SLC39A11: variants seen among roughly 807,000 people sequenced by gnomAD.
SLC39A11 encodes the protein zinc transporter ZIP11.
SLC39A11 carries 33 observed loss-of-function variants against 36.1 expected under a neutral mutation model. The ratio of observed to expected loss-of-function variants is 0.91; its 90% CI spans 0.69 to 1.22. The LOEUF is 1.22. Among genes scored for constraint, SLC39A11 ranks in the 50% most tolerant of loss-of-function variants. The probability of loss-of-function intolerance (pLI) is 0.00; values close to 1 mark genes in which losing one functional copy is unlikely to be tolerated. For missense variants in SLC39A11, 432 were observed against 430.3 expected (o/e 1.00, Z -0.03); for synonymous variants, 166 against 170.3 (o/e 0.97, Z 0.20).
intron 7 of SLC39A11, among the ~76,000 whole-genome samples, chr17:72,728,934 A>G (rs1417419602): frequency 6.6e-6 from 1 of 152,102 alleles, no homozygotes; most frequent in Non-Finnish European, 1.5e-5. Flanking sequence ...TGGGTTCTGT[A>G]CGCAACAGCT....
intron 7 of SLC39A11, among the ~76,000 whole-genome samples, chr17:72,698,332 G>T (rs2072415780): frequency 6.6e-6 from 1 of 152,052 alleles, no homozygotes; most frequent in African/African-American, 2.4e-5. Flanking sequence ...ACCGTTTATT[G>T]CATTTTCAGT....
chr17:72,946,123 T>C (rs1024837117), intron 5 of SLC39A11, among the ~76,000 whole-genome samples: 2 of 152,190 alleles, frequency 1.3e-5, no homozygotes, highest in African/African-American at 4.8e-5. Flanking sequence ...AAGTTTTACT[T>C]GAATACAGTG....
At chr17:73,025,933 C>CA (rs940878085) in intron 4 of SLC39A11, among the ~76,000 whole-genome samples, 1 of 151,898 alleles carries the variant, frequency 6.6e-6, no homozygotes, top group Non-Finnish European at 1.5e-5. Context: ...GCCTGGCCAA[C>CA]ATGCTGAAAC....
chr17:72,666,370 A>G (rs557797090), intron 7 of SLC39A11, among the ~76,000 whole-genome samples: 4 of 152,378 alleles, frequency 2.6e-5, no homozygotes, highest in Non-Finnish European at 5.9e-5. Flanking sequence ...GCTGCTCAGC[A>G]AAACGGCAGT....
chr17:73,055,757 CA>C (rs1223103212), intron 3 of SLC39A11, among the ~76,000 whole-genome samples: 4 of 152,014 alleles, frequency 2.6e-5, no homozygotes, highest in African/African-American at 9.7e-5. Context: ...AGTAAGCCAC[CA>C]AATCTTAATC....
At chr17:73,055,077 GCTGT>G (rs1182786875) in intron 3 of SLC39A11, among the ~76,000 whole-genome samples, 7 of 152,140 alleles carry the variant, frequency 4.6e-5, no homozygotes, top group Non-Finnish European at 1.0e-4. Context: ...CCCTTCACCA[GCTGT>G]CAACAATGCA....
At chr17:72,784,880 G>C (rs1261822585) in intron 6 of SLC39A11, among the ~76,000 whole-genome samples, 5 of 126,292 alleles carry the variant, frequency 4.0e-5, no homozygotes, top group African/African-American at 1.5e-4. Context: ...TTTTTTTTTA[G>C]ATGGAATCTC....
chr17:72,913,003 T>C (rs551299844), intron 5 of SLC39A11, among the ~76,000 whole-genome samples: 6 of 152,228 alleles, frequency 3.9e-5, no homozygotes, highest in Admixed American at 1.3e-4. Context: ...CTTTTTTAAA[T>C]ATGCTTGGGT....
At chr17:72,800,174 T>C (rs2077035918) in intron 6 of SLC39A11, among the ~76,000 whole-genome samples, 2 of 152,150 alleles carry the variant, frequency 1.3e-5, no homozygotes, top group African/African-American at 4.8e-5. Flanking sequence ...TGAGAGGACC[T>C]CCATCCCTGA....
chr17:72,800,771 A>C (rs2077058945), intron 6 of SLC39A11, among the ~76,000 whole-genome samples: 1 of 152,200 alleles, frequency 6.6e-6, no homozygotes, highest in Non-Finnish European at 1.5e-5. Flanking sequence ...GGTGTTCGCA[A>C]ATAGAGAATT....
At chr17:72,825,361 C>A (rs982494200) in intron 6 of SLC39A11, among the ~76,000 whole-genome samples, 2 of 152,204 alleles carry the variant, frequency 1.3e-5, no homozygotes, top group Non-Finnish European at 2.9e-5. Context: ...AGCTTGGGAG[C>A]CTCAACCTAG....
rs1045367851 is a variant in SLC39A11, at chr17:72,848,920, CAG to C, written c.601+712_601+713del. ...GGTTCCCTGCGCAGTAGAAAATCTG[CAG>C]AGAGTTTTTGGCTTCCCCAAAACTT... On this transcript the variant is annotated intron_variant, in intron 6 of 9. Coordinates refer to ENST00000255559, the MANE Select transcript of SLC39A11 (RefSeq NM_139177.4). Among the ~76,000 whole-genome samples, 5 of 152,130 alleles carry C rather than the reference CAG, an allele frequency of 3.3e-5. No homozygotes were observed. In the East Asian group the frequency reaches 5.8e-4, roughly 18 times the overall value.
At chr17:72,854,443 C>A (rs1187672314) in intron 5 of SLC39A11, among the ~76,000 whole-genome samples, 5 of 152,100 alleles carry the variant, frequency 3.3e-5, no homozygotes. Flanking sequence ...TGGGGAAAGA[C>A]TCAGGAGAAA....
chr17:72,939,862 T>C (rs1371342578), intron 5 of SLC39A11, among the ~76,000 whole-genome samples: 2 of 152,176 alleles, frequency 1.3e-5, no homozygotes, highest in African/African-American at 4.8e-5. Context: ...CCAGAGTGTT[T>C]CAGATTTTTC....
chr17:72,837,306 T>G (rs933777024), intron 6 of SLC39A11, among the ~76,000 whole-genome samples: 1 of 146,054 alleles, frequency 6.8e-6, no homozygotes, highest in East Asian at 2.0e-4. Context: ...TCTATTGACT[T>G]GGAGGAAAAT....
intron 6 of SLC39A11, among the ~76,000 whole-genome samples, chr17:72,747,443 C>T (rs1470095142): frequency 2.0e-5 from 3 of 152,212 alleles, no homozygotes; most frequent in Non-Finnish European, 2.9e-5. Context: ...TGAGCCACCG[C>T]GCCTGGCCAA....
intron 3 of SLC39A11, chr17:73,068,394 C>T (rs1337113667): frequency 1.1e-5 from 5 of 455,442 alleles, no homozygotes; most frequent in Non-Finnish European, 1.9e-5. Context: ...TCACCAAAAG[C>T]AGAGAAGCAG....
At chr17:72,988,593 T>G (rs1216835329) in intron 4 of SLC39A11, among the ~76,000 whole-genome samples, 1 of 152,166 alleles carries the variant, frequency 6.6e-6, no homozygotes. Flanking sequence ...ATGTTGCAAA[T>G]CTGAAACTCG....
intron 5 of SLC39A11, among the ~76,000 whole-genome samples, chr17:72,946,878 C>G (rs1431924230): frequency 6.6e-6 from 1 of 152,212 alleles, no homozygotes; most frequent in African/African-American, 2.4e-5. Context: ...CAAAGGGCAA[C>G]AGCCCACTCT....
Sources: gnomAD v4.1 joint callset for allele counts (sites outside exome capture counted in the v4.1 genomes callset) on GRCh38, gnomAD v4.1.1 for gene constraint, MANE v1.5 for transcripts, NCBI Gene and HGNC (gene_info 2026-07-23, HGNC 2026-07-21) for gene names.